Variants in EDARADD observed in about 807,000 individuals in gnomAD.
The protein encoded by EDARADD is ectodysplasin-A receptor-associated adapter protein.
A neutral mutation model predicts 25.6 loss-of-function variants in EDARADD; 20 were observed. The observed-to-expected ratio is 0.78, with a 90% CI of 0.55 to 1.14. The LOEUF (loss-of-function observed/expected upper bound fraction) is 1.14, where lower values mean the gene tolerates loss of function less well. Ranked by LOEUF, EDARADD falls within the 50% of genes most tolerant of loss-of-function variation. EDARADD has a pLI of 0.00. For missense variants in EDARADD, 225 were observed against 270.1 expected, an observed-to-expected ratio of 0.83 and a Z score of 1.17; for synonymous variants, 86 against 94.4, an observed-to-expected ratio of 0.91 and a Z score of 0.52.
intron 2 of EDARADD, among the ~76,000 whole-genome samples, chr1:236,414,003 G>T (rs1434307133): frequency 1.3e-5 from 2 of 152,178 alleles, no homozygotes; most frequent in Non-Finnish European, 2.9e-5. Context: ...AGGAAGTGTA[G>T]TTTCGTGGTC....
At chr1:236,477,160 T>C (rs963083815) in intron 5 of EDARADD, among the ~76,000 whole-genome samples, 1 of 152,260 alleles carries the variant, frequency 6.6e-6, no homozygotes, top group East Asian at 1.9e-4. Flanking sequence ...TCCATGCTTG[T>C]GATTGTATTT....
intron 4 of EDARADD, among the ~76,000 whole-genome samples, chr1:236,463,641 G>A (rs185309070): frequency 2.2e-4 from 34 of 152,244 alleles, no homozygotes; most frequent in East Asian, 9.7e-4. Flanking sequence ...GTATATTCGC[G>A]GTGTTGTGCG....
chr1:236,405,777 CTTTCTTTCTTTCT>C (rs755622081), intron 1 of EDARADD, among the ~76,000 whole-genome samples: 5,717 of 67,516 alleles, frequency 0.085, 393 homozygotes, highest in Middle Eastern at 0.099. Context: ...TTCTTTCTTT[CTTTCTTTCTTTCT>C]TTTCTTTTTC....
intron 4 of EDARADD, among the ~76,000 whole-genome samples, chr1:236,447,218 T>TTC (rs1658579478): frequency 2.6e-5 from 1 of 38,630 alleles, no homozygotes; most frequent in African/African-American, 7.2e-5. Flanking sequence ...CTTTCTTTCT[T>TTC]TCTTTCCTTT....
At chr1:236,401,862 G>A (rs1009888913) in intron 1 of EDARADD, among the ~76,000 whole-genome samples, 7 of 152,152 alleles carry the variant, frequency 4.6e-5, no homozygotes, top group African/African-American at 1.7e-4. Context: ...ATCAGAGTGG[G>A]CTCTAAACCA....
rs181047958 is a variant in EDARADD, at chr1:236,438,049, G to C, written c.219+10599G>C. ...TCTGAGGGCTGTGAGGGAAGGACCTGCTCCAGGCCTCTCTTCATGGCTTGT... is the reference window on the plus strand; with the variant it reads ...TCTGAGGGCTGTGAGGGAAGGACCTCCTCCAGGCCTCTCTTCATGGCTTGT... On this transcript the variant is annotated intron_variant, in intron 4 of 5. Transcript: ENST00000334232. Among the ~76,000 whole-genome samples the C allele has an allele frequency of 4.6e-3, 696 of 152,292 alleles. 9 individuals are homozygous for C. Among genetic ancestry groups the C allele is most frequent in the African/African-American group, 0.016 (662 of 41,558 alleles).
At chr1:236,369,810 C>G (rs1667155122) in intron 3 of EDARADD, among the ~76,000 whole-genome samples, 1 of 152,040 alleles carries the variant, frequency 6.6e-6, no homozygotes, top group African/African-American at 2.4e-5. Context: ...GCACTCCAGC[C>G]TGGGCAACAA....
chr1:236,434,548 AT>A (rs907507517), intron 4 of EDARADD, among the ~76,000 whole-genome samples: 1 of 151,872 alleles, frequency 6.6e-6, no homozygotes, highest in Non-Finnish European at 1.5e-5. Flanking sequence ...CCTTTTTGTG[AT>A]TTTTTTAAAG....
intron 4 of EDARADD, among the ~76,000 whole-genome samples, chr1:236,466,968 G>A (rs1659210816): frequency 6.6e-6 from 1 of 152,130 alleles, no homozygotes; most frequent in South Asian, 2.1e-4. Context: ...TTGGGAGGCT[G>A]AGGCAGGAGA....
intron 3 of EDARADD, among the ~76,000 whole-genome samples, chr1:236,365,345 G>A (rs1667102171): frequency 6.6e-6 from 1 of 151,952 alleles, no homozygotes; most frequent in South Asian, 2.1e-4. Context: ...ATCTTTTGTA[G>A]AAACAAGGTC....
chr1:236,403,309 A>G (rs1667647870), intron 1 of EDARADD, among the ~76,000 whole-genome samples: 1 of 150,652 alleles, frequency 6.6e-6, no homozygotes, highest in Non-Finnish European at 1.5e-5. Flanking sequence ...TTTTTTTGAG[A>G]AGGAGTCTCG....
chr1:236,446,712 T>A (rs1045932247), intron 4 of EDARADD, among the ~76,000 whole-genome samples: 1 of 152,192 alleles, frequency 6.6e-6, no homozygotes, highest in African/African-American at 2.4e-5. Flanking sequence ...GAGTATATAT[T>A]TTTTAAAAAC....
chr1:236,370,421 C>CA (rs955504371), intron 3 of EDARADD, among the ~76,000 whole-genome samples: 37 of 151,118 alleles, frequency 2.4e-4, no homozygotes, highest in African/African-American at 7.3e-4. Flanking sequence ...ACTCTGTCTC[C>CA]AAAAAAAAGG....
At chr1:236,371,315 G>GT (rs1178560927) in intron 3 of EDARADD, among the ~76,000 whole-genome samples, 1 of 152,020 alleles carries the variant, frequency 6.6e-6, no homozygotes, top group African/African-American at 2.4e-5. Context: ...GTTTCAGGAG[G>GT]TTTTTTTGCT....
At chr1:236,462,402 T>C (rs1659061638) in intron 4 of EDARADD, among the ~76,000 whole-genome samples, 1 of 151,966 alleles carries the variant, frequency 6.6e-6, no homozygotes, top group Admixed American at 6.6e-5. Flanking sequence ...CCATTTTGGG[T>C]TGGTCTATTG....
At chr1:236,446,496 G>A (rs1333002042) in intron 4 of EDARADD, among the ~76,000 whole-genome samples, 1 of 151,750 alleles carries the variant, frequency 6.6e-6, no homozygotes, top group Non-Finnish European at 1.5e-5. Context: ...AGGTTGCAGT[G>A]AGCCGAGATC....
At position 236,459,142 on chromosome 1, in the gene EDARADD, C is replaced by G. The variant is rs149726195; in HGVS notation, c.220-9089C>G. On this transcript the variant is annotated intron_variant, in intron 4 of 5. Transcript: ENST00000334232. ...GTGGATGCATTTCCTCAGCATTCAG[C>G]CTTCCTTTTGCCCGTGTTCTAGCAT... Among the ~76,000 whole-genome samples, 310 of 152,194 alleles carry G rather than the reference C, an allele frequency of 2.0e-3. 2 individuals carry two copies. The highest frequency in any genetic ancestry group is 7.2e-3 in the African/African-American group (301 of 41,530).
At chr1:236,434,500 A>G (rs1165898687) in intron 4 of EDARADD, among the ~76,000 whole-genome samples, 1 of 152,158 alleles carries the variant, frequency 6.6e-6, no homozygotes. Flanking sequence ...TCAGCCTCCC[A>G]AAGTGTTAGG....
chr1:236,450,148 A>T lies in EDARADD; in HGVS notation c.220-18083A>T, dbSNP rs370292401. On this transcript the variant is annotated intron_variant, in intron 4 of 5. Coordinates refer to ENST00000334232, the MANE Select transcript of EDARADD (RefSeq NM_145861.4). The stretch of plus-strand genomic sequence containing the variant: ...GCTTATTAAAAGATGATGAATGATG[A>T]GGGCCCAGTGTGGTGGTGCAAGTCT... Among the ~76,000 whole-genome samples the T allele has an allele frequency of 5.3e-5, 8 of 151,282 alleles. No individual in the cohort carries two copies. The East Asian group carries it at 1.6e-3, about 29-fold the overall frequency.
Sources: gnomAD v4.1 joint callset for allele counts (sites outside exome capture counted in the v4.1 genomes callset) on GRCh38, gnomAD v4.1.1 for gene constraint, MANE v1.5 for transcripts, NCBI Gene and HGNC (gene_info 2026-07-23, HGNC 2026-07-21) for gene names.